Variants in RNF13 observed in about 807,000 individuals in gnomAD.
RNF13 encodes the protein E3 ubiquitin-protein ligase RNF13.
Under a neutral mutation model 37.7 loss-of-function variants are expected in RNF13, and 19 were observed. The ratio of observed to expected loss-of-function variants is 0.50; its 90% CI spans 0.35 to 0.74. The LOEUF (loss-of-function observed/expected upper bound fraction) is 0.74. Ranked by LOEUF, RNF13 falls within the 30% of genes least tolerant of loss-of-function variation. The pLI, the probability that RNF13 is intolerant of heterozygous loss-of-function variation, is 0.01. For synonymous variants in RNF13, 144 were observed against 157.8 expected, an observed-to-expected ratio of 0.91 and a Z score of 0.65; for missense variants, 375 against 453.0, an observed-to-expected ratio of 0.83 and a Z score of 1.56.
intron 8 of RNF13, among the ~76,000 whole-genome samples, chr3:149,957,720 T>C (rs1721997742): frequency 6.6e-6 from 1 of 152,206 alleles, no homozygotes; most frequent in Non-Finnish European, 1.5e-5. Context: ...ACCATGTAAA[T>C]TACTCTACTT....
At chr3:149,827,402 A>G (rs1246872919) in intron 1 of RNF13, among the ~76,000 whole-genome samples, 1 of 152,188 alleles carries the variant, frequency 6.6e-6, no homozygotes, top group Non-Finnish European at 1.5e-5. Flanking sequence ...GACTGTATAT[A>G]TAAACTATAT....
In RNF13 at chr3:149,943,559, C is replaced by T. The variant is rs574285476; in HGVS notation, c.701-16497C>T. On this transcript the variant is annotated intron_variant, in intron 8 of 9. Transcript: ENST00000392894. ...CTCCAAAGCCCATAGTTTACCTTAG[C>T]GTTTATTCTTGTTGTTGTACATTCT... Among the ~76,000 whole-genome samples, 72 of 152,196 alleles carry T rather than the reference C, an allele frequency of 4.7e-4. No individual in the cohort carries two copies. The South Asian group carries it at 0.015, about 31-fold the overall frequency.
chr3:149,915,286 T>C (rs1320831344), intron 7 of RNF13, among the ~76,000 whole-genome samples: 1 of 152,214 alleles, frequency 6.6e-6, no homozygotes, highest in East Asian at 1.9e-4. Context: ...ATTAATTTTT[T>C]ATACTTGGAT....
chr3:149,861,495 A>G (rs1029228824), intron 3 of RNF13, among the ~76,000 whole-genome samples: 2 of 152,184 alleles, frequency 1.3e-5, no homozygotes, highest in African/African-American at 2.4e-5. Context: ...GGAATTAGAG[A>G]TTATTATGTC....
chr3:149,892,939 T>A (rs975990613), intron 4 of RNF13, among the ~76,000 whole-genome samples: 1 of 152,170 alleles, frequency 6.6e-6, no homozygotes, highest in African/African-American at 2.4e-5. Context: ...TATAGGTACA[T>A]GTGGCATAGG....
At chr3:149,834,799 A>T (rs1721425468) in intron 1 of RNF13, among the ~76,000 whole-genome samples, 1 of 152,238 alleles carries the variant, frequency 6.6e-6, no homozygotes, top group Admixed American at 6.5e-5. Flanking sequence ...CTTCTTGTAC[A>T]GCTTACAGAA....
intron 7 of RNF13, among the ~76,000 whole-genome samples, chr3:149,915,531 G>A (rs537664997): frequency 4.7e-4 from 71 of 152,194 alleles, no homozygotes; most frequent in African/African-American, 1.6e-3. Flanking sequence ...GCAAAGACTC[G>A]AATAGATATT....
intron 1 of RNF13, among the ~76,000 whole-genome samples, chr3:149,833,833 C>T (rs1721311987): frequency 6.6e-6 from 1 of 152,066 alleles, no homozygotes; most frequent in African/African-American, 2.4e-5. Flanking sequence ...CCATTGTAAG[C>T]AGATGATATG....
intron 1 of RNF13, among the ~76,000 whole-genome samples, chr3:149,834,678 T>C (rs1559894825): frequency 2.0e-5 from 3 of 152,214 alleles, no homozygotes; most frequent in Non-Finnish European, 4.4e-5. Context: ...CTTGGCACTT[T>C]CTTCCCTCTC....
chr3:149,950,320 G>GT (rs1427005530), intron 8 of RNF13, among the ~76,000 whole-genome samples: 2 of 152,074 alleles, frequency 1.3e-5, no homozygotes, highest in African/African-American at 2.4e-5. Flanking sequence ...TTCAAGCTGT[G>GT]TTTTTGCCTT....
At chr3:149,941,889 ATATT>A (rs58521010) in intron 8 of RNF13, among the ~76,000 whole-genome samples, 56 of 144,348 alleles carry the variant, frequency 3.9e-4, no homozygotes, top group Admixed American at 8.4e-4. Flanking sequence ...GTCCAGCTTA[ATATT>A]TATTTATTTA....
intron 4 of RNF13, among the ~76,000 whole-genome samples, chr3:149,887,967 GAAAA>G (rs2108476090): frequency 6.6e-6 from 1 of 152,254 alleles, no homozygotes; most frequent in African/African-American, 2.4e-5. Context: ...GGAGCAAAAA[GAAAA>G]GAAAGACGCT....
intron 4 of RNF13, among the ~76,000 whole-genome samples, chr3:149,873,196 G>C (rs942629244): frequency 2.0e-5 from 3 of 152,138 alleles, no homozygotes; most frequent in Non-Finnish European, 4.4e-5. Flanking sequence ...GAAATTAAAA[G>C]TAAACTAATT....
chr3:149,941,303 A>G (rs528548051), intron 8 of RNF13, among the ~76,000 whole-genome samples: 2 of 152,044 alleles, frequency 1.3e-5, no homozygotes, highest in Non-Finnish European at 2.9e-5. Context: ...TACCTGCACC[A>G]TTTTACATTC....
intron 9 of RNF13, 109 bp from the exon 10 acceptor site, chr3:149,960,631 C>A (rs1722310137): frequency 2.0e-6 from 2 of 1,023,450 alleles, no homozygotes; most frequent in African/African-American, 1.7e-5. Flanking sequence ...AAACTTTCTT[C>A]CCGTCCCTAC....
intron 8 of RNF13, among the ~76,000 whole-genome samples, chr3:149,957,037 T>C (rs528431064): frequency 5.9e-5 from 9 of 152,322 alleles, no homozygotes; most frequent in African/African-American, 2.2e-4. Context: ...AAACTAACAC[T>C]TATAAAGCAC....
intron 3 of RNF13, among the ~76,000 whole-genome samples, chr3:149,857,733 C>T (rs968068648): frequency 2.0e-5 from 3 of 152,204 alleles, no homozygotes; most frequent in Middle Eastern, 3.2e-3. Flanking sequence ...CCCCTTCCCC[C>T]ACTCTATGCT....
intron 1 of RNF13, among the ~76,000 whole-genome samples, chr3:149,837,964 G>C (rs372223969): frequency 1.8e-4 from 28 of 152,246 alleles, no homozygotes; most frequent in African/African-American, 6.5e-4. Flanking sequence ...AGATACAATG[G>C]GGGTACAGGC....
chr3:149,909,970 A>G (rs1716823427), intron 6 of RNF13, among the ~76,000 whole-genome samples: 1 of 151,522 alleles, frequency 6.6e-6, no homozygotes, highest in African/African-American at 2.4e-5. Flanking sequence ...AAAACAGAAT[A>G]TGAGAGTTGT....
Sources: allele counts gnomAD v4.1 joint callset (sites outside exome capture counted in the v4.1 genomes callset), GRCh38; gene constraint gnomAD v4.1.1; transcripts MANE v1.5; gene names NCBI Gene and HGNC (gene_info 2026-07-23, HGNC 2026-07-21).